ABTB2: variants seen among roughly 807,000 people sequenced by gnomAD.
The protein encoded by ABTB2 is ankyrin repeat and BTB domain containing 2.
A neutral mutation model predicts 104.1 loss-of-function variants in ABTB2; 56 were observed. The ratio of observed to expected loss-of-function variants is 0.54; its 90% confidence interval spans 0.43 to 0.67. ABTB2 has a LOEUF of 0.67. Ranked by LOEUF, ABTB2 falls within the 30% of genes least tolerant of loss-of-function variation. ABTB2 has a pLI of 0.00. For missense variants in ABTB2, 1,279 were observed against 1,407.7 expected (o/e 0.91, Z 1.46); for synonymous variants, 606 against 608.2 (o/e 1.00, Z 0.05).
rs369591931 is a variant in ABTB2 at position 34,158,698 on chromosome 11, C to G, written c.2697+598G>C. Among the ~76,000 whole-genome samples, 36 of 152,356 alleles carry G rather than the reference C, an allele frequency of 2.4e-4. 1 individual carries two copies. Among genetic ancestry groups the G allele is most frequent in the East Asian group, 1.9e-3 (10 of 5,186 alleles). On this transcript the variant is annotated intron_variant, in intron 14 of 16. Coordinates refer to ENST00000435224, the MANE Select transcript of ABTB2 (RefSeq NM_145804.3). ...GGTCTTCCTCTGGACCTTGTCTGCC[C>G]TGACTGGAGTTTCTAGTATGTAACC...
chr11:34,212,486 T>A (rs143146834), intron 1 of ABTB2, among the ~76,000 whole-genome samples: 1 of 152,340 alleles, frequency 6.6e-6, no homozygotes, highest in African/African-American at 2.4e-5. Context: ...AGTGGAGTAC[T>A]ATTACTAACC....
chr11:34,251,519 T>C (rs2133069117), intron 1 of ABTB2, among the ~76,000 whole-genome samples: 1 of 152,340 alleles, frequency 6.6e-6, no homozygotes, highest in East Asian at 1.9e-4. Context: ...TGTTGACCGG[T>C]GTCCATGCCA....
At chr11:34,163,042 C>T (rs1250389042) in intron 9 of ABTB2, among the ~76,000 whole-genome samples, 1 of 152,188 alleles carries the variant, frequency 6.6e-6, no homozygotes, top group African/African-American at 2.4e-5. Context: ...CCCCGTATTG[C>T]AGAGAAGCCA....
intron 1 of ABTB2, among the ~76,000 whole-genome samples, chr11:34,205,784 T>C (rs1853402126): frequency 6.6e-6 from 1 of 152,144 alleles, no homozygotes; most frequent in South Asian, 2.1e-4. Flanking sequence ...AGACAGGGCT[T>C]TGGAGCAGAA....
chr11:34,309,842 TAA>T (rs551680147), intron 1 of ABTB2, among the ~76,000 whole-genome samples: 259 of 152,212 alleles, frequency 1.7e-3, no homozygotes, highest in African/African-American at 6.1e-3. Context: ...GTCAGGCAGT[TAA>T]AGTTATTGAT....
intron 1 of ABTB2, among the ~76,000 whole-genome samples, chr11:34,250,476 A>G (rs1316525536): frequency 1.3e-5 from 2 of 152,228 alleles, no homozygotes; most frequent in East Asian, 3.8e-4. Flanking sequence ...TTAGTTTCTC[A>G]TGGGAGAAAA....
At chr11:34,171,719 C>T (rs1201596511) in intron 4 of ABTB2, among the ~76,000 whole-genome samples, 3 of 152,122 alleles carry the variant, frequency 2.0e-5, no homozygotes, top group Admixed American at 1.3e-4. Context: ...CATGCCTCAG[C>T]ACTTGGCTGT....
chr11:34,334,495 T>C (rs948772100), intron 1 of ABTB2, among the ~76,000 whole-genome samples: 1 of 152,216 alleles, frequency 6.6e-6, no homozygotes, highest in Non-Finnish European at 1.5e-5. Context: ...ACTAATTTTT[T>C]AACCTCAGGT....
intron 4 of ABTB2, among the ~76,000 whole-genome samples, chr11:34,172,317 A>T (rs892936193): frequency 2.1e-5 from 3 of 143,466 alleles, no homozygotes; most frequent in African/African-American, 7.8e-5. Flanking sequence ...GATTTCAGAG[A>T]GCCGAGATCA....
chr11:34,177,788 C>T (rs1852974488), intron 3 of ABTB2, among the ~76,000 whole-genome samples: 1 of 152,042 alleles, frequency 6.6e-6, no homozygotes, highest in South Asian at 2.1e-4. Flanking sequence ...AGGCTGGTCT[C>T]GACTCCTAAG....
intron 1 of ABTB2, among the ~76,000 whole-genome samples, chr11:34,289,291 A>G (rs1027722222): frequency 6.6e-6 from 1 of 152,228 alleles, no homozygotes; most frequent in African/African-American, 2.4e-5. Flanking sequence ...AACAAAGTAC[A>G]CATCAACACA....
At chr11:34,225,216 G>A (rs1050632593) in intron 1 of ABTB2, among the ~76,000 whole-genome samples, 1 of 152,226 alleles carries the variant, frequency 6.6e-6, no homozygotes, top group African/African-American at 2.4e-5. Context: ...GGCAGAGGCT[G>A]ACTGCTCTGA....
In ABTB2 at chr11:34,165,330, G is replaced by A. The variant is rs377041395; in HGVS notation, c.1782C>T (p.Val594=). ...CGCCGCCGTTCACTGCCGAGCCCTC[G>A]ACATGGGCACCAGCATCCAGCAGCA... ...VQLLLDAGAH[V]EGSAVNGGED... The change falls in exon 8 of 17, where the codon GTC becomes GTT. Residue 594 remains valine, a synonymous_variant. Coordinates refer to ENST00000435224, the MANE Select transcript of ABTB2 (RefSeq NM_145804.3). 1.8e-5 allele frequency: 28 copies of A among 1,587,202 alleles called. No homozygotes were observed. Among genetic ancestry groups the A allele is most frequent in the Non-Finnish European group, 2.2e-5 (26 of 1,167,426 alleles).
intron 1 of ABTB2, among the ~76,000 whole-genome samples, chr11:34,300,670 A>G (rs913136435): frequency 6.6e-6 from 1 of 151,964 alleles, no homozygotes; most frequent in Non-Finnish European, 1.5e-5. Flanking sequence ...GAGCTCATAC[A>G]TCTCATAGCG....
chr11:34,173,583 G>A (rs1251470930), intron 3 of ABTB2, among the ~76,000 whole-genome samples: 2 of 152,106 alleles, frequency 1.3e-5, no homozygotes, highest in East Asian at 1.9e-4. Flanking sequence ...CAGAGACCCC[G>A]ACTACCTGCA....
rs532147900 is a variant in ABTB2, at chr11:34,207,618, G to A, written c.884-2928C>T. On this transcript the variant is annotated intron_variant, in intron 1 of 16. Coordinates refer to ENST00000435224, the MANE Select transcript of ABTB2 (RefSeq NM_145804.3). ...TACTATGTGCCAGGCACTTACATGC[G>A]TTATCTAACACCCCAGAACTGCAGG... Among the ~76,000 whole-genome samples the A allele has an allele frequency of 1.1e-4, 16 of 152,274 alleles. No individual in the cohort carries two copies. The South Asian group carries it at 1.9e-3, about 18-fold the overall frequency.
rs1294777918 is a variant in ABTB2, at chr11:34,151,028, A to T, written c.*1359T>A. 6.5e-6 allele frequency: 1 copy of T among 152,938 alleles called. No individual in the cohort carries two copies. The highest frequency in any genetic ancestry group is 2.4e-5 in the African/African-American group (1 of 41,584). 9.5% of individuals were successfully genotyped at this position (152,938 alleles called of 1,614,324 possible). A position where few individuals can be genotyped will look rare whatever the true frequency, so the allele number is the denominator to read the frequency against. ...TTTATTGTTAATAAAACCATAGTAC[A>T]TTTACAGTAAGTGACAACATTATTG... On this transcript the variant is annotated 3_prime_UTR_variant, in exon 17 of 17. Coordinates refer to ENST00000435224, the MANE Select transcript of ABTB2 (RefSeq NM_145804.3).
At position 34,167,340 on chromosome 11, in the gene ABTB2, C is replaced by G; in HGVS notation, c.1674G>C (p.Arg558Ser). The G allele has an allele frequency of 6.2e-7, 1 of 1,612,948 alleles. No individual in the cohort carries two copies. The highest frequency in any genetic ancestry group is 1.1e-5 in the South Asian group (1 of 90,894). ...GGCTGTCGGGGTGGATGGAAGGGTG[C>G]CTGGGGGAGTTGCTTGGAACCTGGA... ...LDIQVPSNSP[R>S]HPSIHPDSRH... Residue 558 changes from arginine to serine, a missense_variant, in exon 7 of 17, where the codon AGG becomes AGC. By Grantham distance (110) the Arg-to-Ser change is moderately radical. Coordinates refer to ENST00000435224, the MANE Select transcript of ABTB2 (RefSeq NM_145804.3).
In ABTB2 at chr11:34,312,013, C is replaced by T. The variant is rs575086104; in HGVS notation, c.883+44688G>A. Among the ~76,000 whole-genome samples, 34 of 152,092 alleles carry T rather than the reference C, an allele frequency of 2.2e-4. 1 individual carries two copies. The highest frequency in any genetic ancestry group is 6.2e-4 in the South Asian group (3 of 4,808). ...AAAATTTGCAGGTCATGGTGGCGCACGCCTGTAATCCAAGCTACTCAGGAG... is the reference window on the plus strand; with the variant it reads ...AAAATTTGCAGGTCATGGTGGCGCATGCCTGTAATCCAAGCTACTCAGGAG... On this transcript the variant is annotated intron_variant, in intron 1 of 16. Coordinates refer to ENST00000435224, the MANE Select transcript of ABTB2 (RefSeq NM_145804.3).
Sources: gnomAD v4.1 joint callset for allele counts (sites outside exome capture counted in the v4.1 genomes callset) on GRCh38, gnomAD v4.1.1 for gene constraint, MANE v1.5 for transcripts, NCBI Gene and HGNC (gene_info 2026-07-23, HGNC 2026-07-21) for gene names.